The following TEAD4 variants were observed in gnomAD, a reference collection of about 807,000 sequenced individuals.
TEAD4 encodes TEA domain transcription factor 4.
TEAD4 carries 36 observed loss-of-function variants against 52.4 expected under a neutral mutation model. The ratio of observed to expected loss-of-function variants is 0.69; its 90% CI spans 0.53 to 0.91. The LOEUF (loss-of-function observed/expected upper bound fraction) is 0.91. Ranked by LOEUF, TEAD4 falls within the 40% of genes least tolerant of loss-of-function variation. TEAD4 has a pLI of 0.00. For synonymous variants in TEAD4, 220 were observed against 231.0 expected (o/e 0.95, Z 0.43); for missense variants, 508 against 583.9 (o/e 0.87, Z 1.34).
intron 2 of TEAD4, among the ~76,000 whole-genome samples, chr12:2,966,043 C>T (rs906442849): frequency 2.0e-5 from 3 of 151,976 alleles, no homozygotes; most frequent in East Asian, 3.9e-4. Context: ...GATTTTTGAA[C>T]AAAAATATGT....
At position 2,994,690 on chromosome 12, in the gene TEAD4, A is replaced by T; in HGVS notation, c.-29-48A>T. The T allele has an allele frequency of 6.7e-7, 1 of 1,503,486 alleles. No individual in the cohort carries two copies. Among genetic ancestry groups the T allele is most frequent in the Non-Finnish European group, 8.8e-7 (1 of 1,130,642 alleles). 93.1% of individuals were successfully genotyped at this position (1,503,486 alleles called of 1,614,324 possible). A position where few individuals can be genotyped will look rare whatever the true frequency, so the allele number is the denominator to read the frequency against. ...CCGGAGTGCCTTCATCCCGTGGCCC[A>T]CGCAGTTCTTCCACTGCTCACCGGG... On this transcript the variant is annotated intron_variant, in intron 2 of 12. Transcript: ENST00000359864. This position sits in a 1 kb window ranked among gnomAD's most constrained non-coding sequence, Gnocchi z 4.7.
At chr12:3,014,560 G>A (rs1263212039) in intron 5 of TEAD4, among the ~76,000 whole-genome samples, 2 of 152,246 alleles carry the variant, frequency 1.3e-5, no homozygotes, top group South Asian at 2.1e-4. Context: ...AGAAATCCCT[G>A]AGTGAGAGGC....
chr12:2,969,202 TC>T (rs2098223066), intron 2 of TEAD4, among the ~76,000 whole-genome samples: 2 of 152,232 alleles, frequency 1.3e-5, no homozygotes, highest in Non-Finnish European at 2.9e-5. Context: ...TCCACAGAGT[TC>T]CAGAAAGCAA....
In TEAD4 at chr12:3,020,694, A is replaced by G. The variant is rs2153957426; in HGVS notation, c.644A>G (p.Gln215Arg). 1 of 1,607,724 alleles carries G rather than the reference A, an allele frequency of 6.2e-7. No individual in the cohort carries two copies. Among genetic ancestry groups the G allele is most frequent in the East Asian group, 2.3e-5 (1 of 44,418 alleles). Residue 215 changes from glutamine to arginine, a missense_variant, in exon 9 of 13, where the codon CAG becomes CGG. Physicochemically the swap from Gln to Arg is conservative, Grantham distance 43. Transcript: ENST00000359864. ...TCTGCGCCCCCGGCACCCCCATGGCAGGGCCGCAGCGTGGCCAGCTCCAAG... is the reference window on the plus strand; with the variant it reads ...TCTGCGCCCCCGGCACCCCCATGGCGGGGCCGCAGCGTGGCCAGCTCCAAG...
chr12:2,989,723 A>G (rs1192642693), intron 2 of TEAD4, among the ~76,000 whole-genome samples: 1 of 152,174 alleles, frequency 6.6e-6, no homozygotes, highest in Non-Finnish European at 1.5e-5. Context: ...TACAGGCATG[A>G]CCCACCACAC....
chr12:3,012,572 C>T (rs1326464437), intron 5 of TEAD4, among the ~76,000 whole-genome samples: 1 of 151,838 alleles, frequency 6.6e-6, no homozygotes, highest in Non-Finnish European at 1.5e-5. Flanking sequence ...CCAGAGCATG[C>T]GGAGTGGCAG....
chr12:2,966,974 T>C (rs994231659), intron 2 of TEAD4, among the ~76,000 whole-genome samples: 3 of 152,222 alleles, frequency 2.0e-5, no homozygotes, highest in Non-Finnish European at 2.9e-5. Context: ...CCCAAAGTGC[T>C]GGGATTACAG....
Position 2,985,574 on chromosome 12 carries a change from C to T in TEAD4, c.-29-9164C>T, listed in dbSNP as rs868353260. Reference sequence around the variant, plus strand: ...AGGCTGGAGTGTAGTGGCACGATCTCGGCTCACTGCAACCTCCGCCTCCCG... The same window carrying T: ...AGGCTGGAGTGTAGTGGCACGATCTTGGCTCACTGCAACCTCCGCCTCCCG... On this transcript the variant is annotated intron_variant, in intron 2 of 12. Coordinates refer to ENST00000359864, the MANE Select transcript of TEAD4 (RefSeq NM_003213.4). Among the ~76,000 whole-genome samples the T allele has an allele frequency of 1.4e-4, 18 of 125,796 alleles. No individual in the cohort carries two copies. In the South Asian group the frequency reaches 3.7e-3, roughly 26 times the overall value. 82.5% of individuals were successfully genotyped at this position (125,796 alleles called of 152,430 possible).
chr12:2,962,333 A>AT (rs1565518244), intron 2 of TEAD4, among the ~76,000 whole-genome samples: 8 of 38,054 alleles, frequency 2.1e-4, no homozygotes, highest in Admixed American at 4.2e-4. Context: ...TATAAATATA[A>AT]ATATATATAT....
At chr12:2,966,752 G>T (rs1315669672) in intron 2 of TEAD4, among the ~76,000 whole-genome samples, 1 of 151,408 alleles carries the variant, frequency 6.6e-6, no homozygotes, top group Non-Finnish European at 1.5e-5. Context: ...TATTGCCTAG[G>T]CCGGAGTACA....
chr12:3,020,521 C>T (rs1035571515), intron 8 of TEAD4, 113 bp from the exon 9 acceptor site: 37 of 1,288,176 alleles, frequency 2.9e-5, no homozygotes, highest in African/African-American at 1.4e-4. Flanking sequence ...GGGAGACAGG[C>T]GGTCCCCCCA....
At chr12:3,008,200 T>A (rs138465416) in intron 3 of TEAD4, among the ~76,000 whole-genome samples, 1 of 151,816 alleles carries the variant, frequency 6.6e-6, no homozygotes, top group Non-Finnish European at 1.5e-5. Flanking sequence ...GGTGGGCGGG[T>A]AGGAGTATGA....
chr12:3,025,579 T>G (rs1451368122), intron 10 of TEAD4, among the ~76,000 whole-genome samples: 1 of 151,828 alleles, frequency 6.6e-6, no homozygotes, highest in East Asian at 1.9e-4. Flanking sequence ...CTCTGTTGCC[T>G]AGGCTGGAGT....
intron 5 of TEAD4, 185 bp from the exon 6 acceptor site, chr12:3,017,213 C>G (rs937922624): frequency 5.4e-5 from 39 of 727,798 alleles, no homozygotes; most frequent in Non-Finnish European, 8.8e-5. Flanking sequence ...AGAAAACTGA[C>G]CAGAGAAACC....
intron 5 of TEAD4, among the ~76,000 whole-genome samples, chr12:3,014,596 G>A (rs1050508848): frequency 6.6e-6 from 1 of 152,186 alleles, no homozygotes; most frequent in Admixed American, 6.5e-5. Context: ...GCTCTGCCCC[G>A]TGGCCGTGAG....
chr12:3,017,057 C>T (rs1256292350), intron 5 of TEAD4: 1 of 478,862 alleles, frequency 2.1e-6, no homozygotes, highest in Admixed American at 2.3e-5. Flanking sequence ...GCATCGTTTT[C>T]ACAAGACAGG....
chr12:2,995,972 C>A (rs1460252740), intron 3 of TEAD4, among the ~76,000 whole-genome samples: 1 of 150,890 alleles, frequency 6.6e-6, no homozygotes, highest in Non-Finnish European at 1.5e-5. Flanking sequence ...TGCACTGTTG[C>A]ACTCCTGCCT....
chr12:3,035,900 TG>T (rs1419945579), intron 10 of TEAD4, among the ~76,000 whole-genome samples: 1 of 151,856 alleles, frequency 6.6e-6, no homozygotes, highest in African/African-American at 2.4e-5. Flanking sequence ...ACCTTATATT[TG>T]CCTGTAAGAC....
chr12:3,035,484 G>A (rs114140402), intron 10 of TEAD4, among the ~76,000 whole-genome samples: 1,836 of 152,294 alleles, frequency 0.012, 44 homozygotes, highest in African/African-American at 0.042. Flanking sequence ...TTTAGGAACA[G>A]TCTGACAAAG....
Sources: allele counts gnomAD v4.1 joint callset (sites outside exome capture counted in the v4.1 genomes callset), GRCh38; gene constraint gnomAD v4.1.1; non-coding constraint Gnocchi (gnomAD v3.1); transcripts MANE v1.5; gene names NCBI Gene and HGNC (gene_info 2026-07-23, HGNC 2026-07-21).